Variants in CAMK1D observed in about 807,000 individuals in gnomAD.
The protein encoded by CAMK1D is calcium/calmodulin dependent protein kinase ID.
Under a neutral mutation model 47.7 loss-of-function variants are expected in CAMK1D, and 9 were observed. The ratio of observed to expected loss-of-function variants is 0.19; its 90% CI spans 0.11 to 0.33. The LOEUF (loss-of-function observed/expected upper bound fraction) is 0.33, where lower values mean the gene tolerates loss of function less well. CAMK1D is among the 10% of genes least tolerant of loss of function. The pLI is 1.00. For missense variants in CAMK1D, 291 were observed against 488.7 expected, an observed-to-expected ratio of 0.60 and a Z score of 3.81; for synonymous variants, 184 against 184.9, an observed-to-expected ratio of 0.99 and a Z score of 0.04.
intron 3 of CAMK1D, among the ~76,000 whole-genome samples, chr10:12,709,018 T>C (rs1833833288): frequency 6.6e-6 from 1 of 152,216 alleles, no homozygotes; most frequent in Non-Finnish European, 1.5e-5. Flanking sequence ...GGGCCTGAAC[T>C]GTGGCATGGG....
chr10:12,829,820 C>T lies in CAMK1D; in HGVS notation c.*933C>T, dbSNP rs1833388196. ...CTTCACCTCTACTCCTTCTGTTTCT[C>T]TCCCCTTCCCCAGGAGGAGGGGCCC... On this transcript the variant is annotated 3_prime_UTR_variant, in exon 11 of 11. Transcript: ENST00000619168. The T allele has an allele frequency of 6.6e-6, 1 of 152,210 alleles. No homozygotes were observed. The highest frequency in any genetic ancestry group is 2.4e-5 in the African/African-American group (1 of 41,426). The allele number at this position is 152,210 out of a possible 1,614,324, so 9.4% of individuals were successfully genotyped here. A position where few individuals can be genotyped will look rare whatever the true frequency, so the allele number is the denominator to read the frequency against.
intron 3 of CAMK1D, among the ~76,000 whole-genome samples, chr10:12,721,977 T>A (rs1431026725): frequency 6.6e-6 from 1 of 152,164 alleles, no homozygotes; most frequent in African/African-American, 2.4e-5. Context: ...GGGCTCTGTT[T>A]CCCTAAGTGA....
chr10:12,755,563 T>C (rs1836189374), intron 3 of CAMK1D, among the ~76,000 whole-genome samples: 1 of 152,200 alleles, frequency 6.6e-6, no homozygotes, highest in Non-Finnish European at 1.5e-5. Flanking sequence ...TCTAGATCCC[T>C]GAGGAATCGC....
rs1473755286 is a variant in CAMK1D, at chr10:12,694,119, TGCATA to T, written c.299+27310_299+27314del. On this transcript the variant is annotated intron_variant, in intron 3 of 10. Transcript: ENST00000619168. ...ATTATATAATATATAATATATATTATGCATAATATATATTATATATAATATAATAT... is the reference window on the plus strand; with the variant it reads ...ATTATATAATATATAATATATATTATATATATATTATATATAATATAATAT... Among the ~76,000 whole-genome samples the T allele has an allele frequency of 2.4e-3, 81 of 34,094 alleles. 13 individuals are homozygous for T. Among genetic ancestry groups the T allele is most frequent in the South Asian group, 4.4e-3 (3 of 684 alleles). 22.4% of individuals were successfully genotyped at this position (34,094 alleles called of 152,430 possible). A position where few individuals can be genotyped will look rare whatever the true frequency, so the allele number is the denominator to read the frequency against.
intron 1 of CAMK1D, among the ~76,000 whole-genome samples, chr10:12,522,522 A>G (rs1158471712): frequency 2.0e-5 from 3 of 151,962 alleles, no homozygotes; most frequent in African/African-American, 7.3e-5. Context: ...GGGCAAGGTC[A>G]TAGATCAACA....
intron 1 of CAMK1D, among the ~76,000 whole-genome samples, chr10:12,472,492 C>T (rs1248796150): frequency 1.0e-5 from 1 of 95,694 alleles, no homozygotes; most frequent in African/African-American, 3.8e-5. Flanking sequence ...GTCACTGTCT[C>T]ACTCTTCAGT....
intron 1 of CAMK1D, among the ~76,000 whole-genome samples, chr10:12,516,577 G>C (rs1835218067): frequency 6.6e-6 from 1 of 152,164 alleles, no homozygotes; most frequent in African/African-American, 2.4e-5. Flanking sequence ...GTTTTCCAAA[G>C]CATCTATGCC....
chr10:12,659,862 G>A (rs1588748353), intron 2 of CAMK1D, among the ~76,000 whole-genome samples: 1 of 152,288 alleles, frequency 6.6e-6, no homozygotes, highest in African/African-American at 2.4e-5. Context: ...TGCGGAGAGA[G>A]GCCTTTCCCA....
intron 1 of CAMK1D, among the ~76,000 whole-genome samples, chr10:12,468,745 C>T (rs1240089809): frequency 6.6e-6 from 1 of 152,170 alleles, no homozygotes; most frequent in Non-Finnish European, 1.5e-5. Flanking sequence ...TTGTCAGGGG[C>T]TCTTAAGTCT....
intron 2 of CAMK1D, among the ~76,000 whole-genome samples, chr10:12,653,959 T>C (rs778492839): frequency 6.6e-6 from 1 of 152,212 alleles, no homozygotes; most frequent in Admixed American, 6.5e-5. Flanking sequence ...TTGTGAAATA[T>C]GGACCCTTCC....
intron 1 of CAMK1D, among the ~76,000 whole-genome samples, chr10:12,480,715 A>G (rs1834039715): frequency 6.6e-6 from 1 of 152,182 alleles, no homozygotes; most frequent in Admixed American, 6.5e-5. Flanking sequence ...AGGCAGAACT[A>G]GGATCCCCAC....
intron 1 of CAMK1D, among the ~76,000 whole-genome samples, chr10:12,543,209 G>A (rs865785466): frequency 2.6e-5 from 4 of 151,982 alleles, no homozygotes; most frequent in Admixed American, 6.6e-5. Context: ...CACCACGCCC[G>A]GCTAATTTTT....
chr10:12,673,380 T>G (rs1840693903), intron 3 of CAMK1D, among the ~76,000 whole-genome samples: 1 of 152,234 alleles, frequency 6.6e-6, no homozygotes, highest in Non-Finnish European at 1.5e-5. Flanking sequence ...CTTGTTCAAT[T>G]TATTCTGAAA....
At chr10:12,396,950 G>GTTTGTGTGA (rs1411706054) in intron 1 of CAMK1D, among the ~76,000 whole-genome samples, 1 of 152,232 alleles carries the variant, frequency 6.6e-6, no homozygotes, top group Non-Finnish European at 1.5e-5. Flanking sequence ...CCACAGCTGT[G>GTTTGTGTGA]TTTGTGTGAT....
At chr10:12,504,835 G>A (rs1172556502) in intron 1 of CAMK1D, among the ~76,000 whole-genome samples, 1 of 152,150 alleles carries the variant, frequency 6.6e-6, no homozygotes, top group Non-Finnish European at 1.5e-5. Flanking sequence ...TTTGAATTCT[G>A]CAGTGCACAC....
intron 1 of CAMK1D, among the ~76,000 whole-genome samples, chr10:12,426,354 C>G (rs576141893): frequency 1.3e-5 from 2 of 152,082 alleles, no homozygotes; most frequent in South Asian, 4.2e-4. Flanking sequence ...TCAAGTGATT[C>G]TCCTGCCTCA....
chr10:12,532,774 G>A (rs1173327849), intron 1 of CAMK1D, among the ~76,000 whole-genome samples: 1 of 152,108 alleles, frequency 6.6e-6, no homozygotes, highest in South Asian at 2.1e-4. Context: ...AAAAGAATAC[G>A]ATCCTGTCAT....
At chr10:12,600,473 T>G (rs1442840265) in intron 2 of CAMK1D, among the ~76,000 whole-genome samples, 1 of 152,252 alleles carries the variant, frequency 6.6e-6, no homozygotes, top group African/African-American at 2.4e-5. Flanking sequence ...ACGTGTGTTT[T>G]GATTCCAAGG....
intron 2 of CAMK1D, among the ~76,000 whole-genome samples, chr10:12,630,388 T>TTTTTTTTTTTTTA (rs112347508): frequency 7.0e-6 from 1 of 142,264 alleles, no homozygotes; most frequent in Non-Finnish European, 1.5e-5. Context: ...TTTTTTTTTT[T>TTTTTTTTTTTTTA]AAAAAAAAGA....
Sources: gnomAD v4.1 joint callset for allele counts (sites outside exome capture counted in the v4.1 genomes callset) on GRCh38, gnomAD v4.1.1 for gene constraint, MANE v1.5 for transcripts, NCBI Gene and HGNC (gene_info 2026-07-23, HGNC 2026-07-21) for gene names.